Variants in LMNB1 observed in about 807,000 individuals in gnomAD.
The protein encoded by LMNB1 is lamin B1, also known as lamin-B1.
LMNB1 carries 23 observed loss-of-function variants against 67.1 expected under a neutral mutation model. The ratio of observed to expected loss-of-function variants is 0.34; its 90% CI spans 0.25 to 0.49. The LOEUF is 0.49. LMNB1 is among the 20% of genes least tolerant of loss of function. The probability of loss-of-function intolerance (pLI) is 0.99; values close to 1 mark genes in which losing one functional copy is unlikely to be tolerated. For synonymous variants in LMNB1, 281 were observed against 282.9 expected (o/e 0.99, Z 0.07); for missense variants, 634 against 746.5 (o/e 0.85, Z 1.76).
rs57114367 is a variant in LMNB1, at chr5:126,800,982, A to ATTTTTTTTTTTTTTT, written c.360-3790_360-3776dup. 3.6e-3 allele frequency among the ~76,000 whole-genome samples: 67 copies of ATTTTTTTTTTTTTTT among 18,622 alleles called. 2 individuals carry two copies. Among genetic ancestry groups the ATTTTTTTTTTTTTTT allele is most frequent in the Non-Finnish European group, 6.1e-3 (58 of 9,526 alleles). The allele number at this position is 18,622 out of a possible 152,430, so 12.2% of individuals were successfully genotyped here. A position where few individuals can be genotyped will look rare whatever the true frequency, so the allele number is the denominator to read the frequency against. On this transcript the variant is annotated intron_variant, in intron 1 of 10. Transcript: ENST00000261366. ...ATATATATATATATATATATATATAATTTTTTTTTTTTTTTTTTGGTGGTA... is the reference window on the plus strand; with the variant it reads ...ATATATATATATATATATATATATAATTTTTTTTTTTTTTTTTTTTTTTTTTTTTTTTTGGTGGTA...
intron 1 of LMNB1, among the ~76,000 whole-genome samples, chr5:126,794,341 G>A (rs190414390): frequency 6.6e-6 from 1 of 152,344 alleles, no homozygotes; most frequent in Non-Finnish European, 1.5e-5. Context: ...TTAACATGAG[G>A]ACAGTGTTGA....
chr5:126,812,124 C>G (rs1751592488), intron 5 of LMNB1, among the ~76,000 whole-genome samples: 1 of 152,208 alleles, frequency 6.6e-6, no homozygotes. Context: ...TTACACAGAG[C>G]TAAGGGACTT....
At chr5:126,796,356 G>T (rs1348411927) in intron 1 of LMNB1, among the ~76,000 whole-genome samples, 1 of 152,108 alleles carries the variant, frequency 6.6e-6, no homozygotes, top group Non-Finnish European at 1.5e-5. Flanking sequence ...AGGACACCCA[G>T]GGAGTGAGAG....
At chr5:126,813,170 G>A (rs72780208) in intron 5 of LMNB1, among the ~76,000 whole-genome samples, 8,743 of 152,324 alleles carry the variant, frequency 0.057, 318 homozygotes, top group Middle Eastern at 0.092. Context: ...AAAATGGGGT[G>A]ATATAAAATA....
chr5:126,820,842 T>G (rs929073399), intron 6 of LMNB1, 68 bp from the exon 7 acceptor site: 2 of 1,238,434 alleles, frequency 1.6e-6, no homozygotes, highest in Non-Finnish European at 2.3e-6. Context: ...TTTTTTTGTT[T>G]TTTTTTTTTT....
chr5:126,788,945 G>A (rs1750880285), intron 1 of LMNB1, among the ~76,000 whole-genome samples: 1 of 150,404 alleles, frequency 6.6e-6, no homozygotes, highest in South Asian at 2.1e-4. Flanking sequence ...TCTTGCCGGT[G>A]CTGGATTGCA....
At chr5:126,789,185 C>T (rs552508579) in intron 1 of LMNB1, among the ~76,000 whole-genome samples, 1 of 152,056 alleles carries the variant, frequency 6.6e-6, no homozygotes, top group South Asian at 2.1e-4. Context: ...CTGTGTCTGG[C>T]GGGAGGGAGG....
At chr5:126,810,141 G>T in intron 3 of LMNB1, 39 bp from the exon 4 acceptor site, 1 of 1,579,512 alleles carries the variant, frequency 6.3e-7, no homozygotes, top group African/African-American at 1.3e-5. Flanking sequence ...TGCAGCCATG[G>T]TAAGTAGCTT....
intron 1 of LMNB1, among the ~76,000 whole-genome samples, chr5:126,780,046 TC>T (rs1261602067): frequency 6.9e-6 from 1 of 144,192 alleles, no homozygotes; most frequent in Non-Finnish European, 1.5e-5. Flanking sequence ...AGAAAAAAAA[TC>T]CGGGCGTGGT....
chr5:126,820,844 T>G (rs1489811599), intron 6 of LMNB1, 66 bp from the exon 7 acceptor site: 6 of 1,304,160 alleles, frequency 4.6e-6, no homozygotes, highest in Admixed American at 4.3e-5. Context: ...TTTTTGTTTT[T>G]TTTTTTTTTA....
rs543473679 is a variant in LMNB1 at position 126,832,914 on chromosome 5, T to G, written c.1719+113T>G. ...ATCAGTTGATGAACCAGCGCAGTTA[T>G]CTACCAAGTGGGGTTTGTACTCCCC... On this transcript the variant is annotated intron_variant, in intron 10 of 10. Coordinates refer to ENST00000261366, the MANE Select transcript of LMNB1 (RefSeq NM_005573.4). The G allele has an allele frequency of 2.0e-5, 12 of 598,662 alleles. No homozygotes were observed. In the East Asian group the frequency reaches 3.9e-4, roughly 19 times the overall value. The allele number at this position is 598,662 out of a possible 1,614,324, so 37.1% of individuals were successfully genotyped here.
Position 126,777,630 on chromosome 5 carries a change from A to G in LMNB1, c.122A>G (p.Asp41Gly). The G allele has an allele frequency of 6.5e-7, 1 of 1,541,978 alleles. No homozygotes were observed. Among genetic ancestry groups the G allele is most frequent in the African/African-American group, 1.4e-5 (1 of 71,554 alleles). ...QEKEELRELNDRLAVYIDKVR... is the reference protein window; with the variant it reads ...QEKEELRELNGRLAVYIDKVR... ...AAGGAGGAGCTGCGCGAGCTCAATG[A>G]CCGGCTGGCGGTGTACATCGACAAG... The change falls in exon 1 of 11, where the codon GAC becomes GGC. Residue 41 changes from aspartate to glycine, a missense_variant. By Grantham distance (94) the Asp-to-Gly change is moderately conservative (BLOSUM62 -1). Transcript: ENST00000261366.
chr5:126,786,257 G>C (rs1750778857), intron 1 of LMNB1, among the ~76,000 whole-genome samples: 1 of 151,364 alleles, frequency 6.6e-6, no homozygotes, highest in Non-Finnish European at 1.5e-5. Flanking sequence ...CAAGTAGCTG[G>C]GACTACAGGT....
chr5:126,823,942 G>A (rs1427043305), intron 8 of LMNB1, among the ~76,000 whole-genome samples: 1 of 152,144 alleles, frequency 6.6e-6, no homozygotes, highest in Non-Finnish European at 1.5e-5. Flanking sequence ...TGACATTTTA[G>A]TTCAGAGGAT....
At chr5:126,799,330 C>A (rs1751203691) in intron 1 of LMNB1, among the ~76,000 whole-genome samples, 1 of 152,174 alleles carries the variant, frequency 6.6e-6, no homozygotes, top group Non-Finnish European at 1.5e-5. Context: ...TTGACTTTTT[C>A]ACTGTTAATA....
At chr5:126,831,049 T>TA (rs1413770978) in intron 9 of LMNB1, among the ~76,000 whole-genome samples, 1 of 152,166 alleles carries the variant, frequency 6.6e-6, no homozygotes, top group Non-Finnish European at 1.5e-5. Context: ...GCAAGAGTAA[T>TA]AAAAAATCCC....
chr5:126,795,788 C>A (rs1374465804), intron 1 of LMNB1, among the ~76,000 whole-genome samples: 1 of 151,552 alleles, frequency 6.6e-6, no homozygotes, highest in Non-Finnish European at 1.5e-5. Flanking sequence ...CCACACCTGG[C>A]TAATTTTTTT....
intron 1 of LMNB1, among the ~76,000 whole-genome samples, chr5:126,802,239 C>T (rs548414269): frequency 6.6e-6 from 1 of 152,256 alleles, no homozygotes; most frequent in Admixed American, 6.5e-5. Context: ...CATATGTGAT[C>T]AACATTTGGC....
intron 1 of LMNB1, among the ~76,000 whole-genome samples, chr5:126,795,933 C>CA (rs751492782): frequency 1.2e-5 from 1 of 82,084 alleles, no homozygotes. Context: ...GCCCAGGATG[C>CA]TTTTTTTTTT....
Sources: allele counts gnomAD v4.1 joint callset (sites outside exome capture counted in the v4.1 genomes callset), GRCh38; gene constraint gnomAD v4.1.1; transcripts MANE v1.5; gene names NCBI Gene and HGNC (gene_info 2026-07-23, HGNC 2026-07-21).